The following STAB2 variants were observed in gnomAD, a reference collection of about 807,000 sequenced individuals.
The protein encoded by STAB2 is stabilin 2, also known as stabilin-2.
Under a neutral mutation model 338.1 loss-of-function variants are expected in STAB2, and 288 were observed. The ratio of observed to expected loss-of-function variants is 0.85; its 90% CI spans 0.77 to 0.94. The LOEUF is 0.94. Among genes scored for constraint, STAB2 ranks in the 40% least tolerant of loss-of-function variants. The pLI is 0.00. For missense variants in STAB2, 3,141 were observed against 3,210.1 expected (o/e 0.98, Z 0.52); for synonymous variants, 1,202 against 1,193.3 (o/e 1.01, Z -0.15).
At chr12:103,760,838 T>A (rs1884481242) in intron 65 of STAB2, among the ~76,000 whole-genome samples, 1 of 152,210 alleles carries the variant, frequency 6.6e-6, no homozygotes, top group African/African-American at 2.4e-5. Flanking sequence ...TGCTGGAGAT[T>A]TGTTAAAATG....
intron 29 of STAB2, 48 bp from the exon 30 acceptor site, chr12:103,690,376 C>A (rs531841755): frequency 6.9e-6 from 10 of 1,455,906 alleles, no homozygotes; most frequent in Non-Finnish European, 8.6e-6. Flanking sequence ...AATGATACAG[C>A]CCCATACATT....
chr12:103,694,856 T>C (rs1316815986), intron 31 of STAB2, among the ~76,000 whole-genome samples: 3 of 152,076 alleles, frequency 2.0e-5, no homozygotes, highest in Non-Finnish European at 4.4e-5. Flanking sequence ...CAAACTCAAA[T>C]GCCCAGATAG....
chr12:103,595,927 T>C (rs1412742704), intron 3 of STAB2, among the ~76,000 whole-genome samples: 4 of 152,152 alleles, frequency 2.6e-5, no homozygotes, highest in Admixed American at 1.3e-4. Flanking sequence ...TCCCAGGAAA[T>C]GCCTGGATTA....
At chr12:103,626,150 T>C (rs1184397400) in intron 5 of STAB2, among the ~76,000 whole-genome samples, 1 of 152,228 alleles carries the variant, frequency 6.6e-6, no homozygotes, top group Non-Finnish European at 1.5e-5. Flanking sequence ...TAGAACTTTC[T>C]GTGATGATAG....
rs764859358 is a variant in STAB2 at position 103,745,220 on chromosome 12, T to G, written c.6079T>G (p.Ser2027Ala). 2 of 1,614,062 alleles carry G rather than the reference T, an allele frequency of 1.2e-6. No individual in the cohort carries two copies. The highest frequency in any genetic ancestry group is 1.7e-5 in the Admixed American group (1 of 60,026). Reference protein sequence around the residue: ...HGQCDDGITGSGQCLCETGWT... With the variant: ...HGQCDDGITGAGQCLCETGWT... ...ACAGTGCGATGATGGCATCACGGGC[T>G]CCGGGCAGTGCCTCTGTGAAACGGG... is the stretch of plus-strand genomic sequence containing the variant. The change falls in exon 57 of 69, where the codon TCC becomes GCC. Residue 2027 changes from serine (S) to alanine (A), a missense_variant. Coordinates refer to ENST00000388887, the MANE Select transcript of STAB2 (RefSeq NM_017564.10).
At chr12:103,726,709 ACAT>A (rs1462377161) in intron 46 of STAB2, among the ~76,000 whole-genome samples, 7 of 152,350 alleles carry the variant, frequency 4.6e-5, no homozygotes, top group African/African-American at 1.7e-4. Flanking sequence ...ATCTTTCTGC[ACAT>A]CATACATCTG....
chr12:103,602,466 A>G (rs964779320), intron 3 of STAB2, among the ~76,000 whole-genome samples: 1 of 152,176 alleles, frequency 6.6e-6, no homozygotes, highest in Non-Finnish European at 1.5e-5. Context: ...GTAAGTTTTC[A>G]CTTCATTTTG....
intron 3 of STAB2, among the ~76,000 whole-genome samples, chr12:103,613,372 A>C (rs558733067): frequency 6.6e-6 from 1 of 152,280 alleles, no homozygotes; most frequent in East Asian, 1.9e-4. Context: ...TTACCTGCTG[A>C]AGCCTCAGGA....
chr12:103,758,160 T>G lies in STAB2; in HGVS notation c.6988-10T>G. ...GCTGGCCCCTCTGATGACTTCCTTC[T>G]TCTCCCCAGGAAGTGCTGGCCTATT... On this transcript the variant is annotated splice_polypyrimidine_tract_variant and intron_variant, in intron 63 of 68. Coordinates refer to ENST00000388887, the MANE Select transcript of STAB2 (RefSeq NM_017564.10). 1 of 1,613,982 alleles carries G rather than the reference T, an allele frequency of 6.2e-7. No individual in the cohort carries two copies. The highest frequency in any genetic ancestry group is 8.5e-7 in the Non-Finnish European group (1 of 1,180,000).
chr12:103,648,924 A>G, intron 10 of STAB2, 101 bp downstream of exon 10: 3 of 1,498,092 alleles, frequency 2.0e-6, no homozygotes, highest in South Asian at 2.7e-5. Context: ...AGCCTTGTCT[A>G]TTAGAATCAG....
chr12:103,588,925 T>G (rs1956755138), intron 1 of STAB2, among the ~76,000 whole-genome samples: 1 of 152,180 alleles, frequency 6.6e-6, no homozygotes, highest in Non-Finnish European at 1.5e-5. Flanking sequence ...TGAAAACTCC[T>G]GGTAAAAATA....
intron 12 of STAB2, among the ~76,000 whole-genome samples, chr12:103,653,122 C>G (rs1873870028): frequency 6.6e-6 from 1 of 152,106 alleles, no homozygotes; most frequent in African/African-American, 2.4e-5. Flanking sequence ...CCTAACATTC[C>G]TCTCTCCCAA....
At chr12:103,759,389 C>G (rs1474170870) in intron 65 of STAB2, 116 bp downstream of exon 65, 2 of 1,411,756 alleles carry the variant, frequency 1.4e-6, no homozygotes, top group Non-Finnish European at 1.9e-6. Flanking sequence ...TCTAAACCTG[C>G]AGATAGGGGA....
chr12:103,642,517 G>A (rs779632921), intron 9 of STAB2, among the ~76,000 whole-genome samples: 3 of 152,226 alleles, frequency 2.0e-5, no homozygotes, highest in Non-Finnish European at 2.9e-5. Context: ...GTCTTCCCAA[G>A]AGTCCTTTCC....
intron 24 of STAB2, among the ~76,000 whole-genome samples, chr12:103,677,115 C>T (rs1004822543): frequency 6.6e-6 from 1 of 152,184 alleles, no homozygotes; most frequent in African/African-American, 2.4e-5. Flanking sequence ...TTTATAGCTG[C>T]ATGACCTTGG....
At chr12:103,749,241 A>G in intron 59 of STAB2, 85 bp downstream of exon 59, 12 of 1,395,500 alleles carry the variant, frequency 8.6e-6, no homozygotes, top group Non-Finnish European at 1.2e-5. Flanking sequence ...TACTCTGCTT[A>G]TCTCCTGGAC....
intron 26 of STAB2, among the ~76,000 whole-genome samples, chr12:103,683,882 T>A (rs1393626004): frequency 6.6e-6 from 1 of 152,142 alleles, no homozygotes; most frequent in Admixed American, 6.5e-5. Context: ...ATCAATGAAG[T>A]CTGATGCCTT....
At chr12:103,682,808 C>T (rs1414165590) in intron 25 of STAB2, among the ~76,000 whole-genome samples, 2 of 152,040 alleles carry the variant, frequency 1.3e-5, no homozygotes, top group Admixed American at 6.6e-5. Context: ...ATTAGCCAGG[C>T]GTGGTGGCAC....
chr12:103,703,343 G>A (rs1879072524), intron 35 of STAB2, 67 bp downstream of exon 35: 14 of 1,570,526 alleles, frequency 8.9e-6, no homozygotes, highest in East Asian at 6.7e-5. Context: ...TATAATTTTG[G>A]GGGCATAAGG....
Sources: gnomAD v4.1 joint callset for allele counts (sites outside exome capture counted in the v4.1 genomes callset) on GRCh38, gnomAD v4.1.1 for gene constraint, MANE v1.5 for transcripts, NCBI Gene and HGNC (gene_info 2026-07-23, HGNC 2026-07-21) for gene names.